The following STMND1 variants were observed in gnomAD, a reference collection of about 807,000 sequenced individuals.
STMND1 encodes the protein stathmin domain-containing protein 1.
STMND1 carries 17 observed loss-of-function variants against 23.0 expected under a neutral mutation model. The observed-to-expected ratio is 0.74, with a 90% CI of 0.51 to 1.11. The LOEUF (loss-of-function observed/expected upper bound fraction) is 1.11. Among genes scored for constraint, STMND1 ranks in the 50% least tolerant of loss-of-function variants. The pLI is 0.00. For missense variants in STMND1, 305 were observed against 329.1 expected, an observed-to-expected ratio of 0.93 and a Z score of 0.57; for synonymous variants, 114 against 119.9, an observed-to-expected ratio of 0.95 and a Z score of 0.32.
intron 3 of STMND1, among the ~76,000 whole-genome samples, chr6:17,122,716 G>A (rs1372875501): frequency 6.6e-6 from 1 of 150,806 alleles, no homozygotes; most frequent in Non-Finnish European, 1.5e-5. Context: ...ATAATAAGAG[G>A]ATGTCGGGGG....
chr6:17,106,941 A>G (rs1761033034), intron 1 of STMND1, among the ~76,000 whole-genome samples: 1 of 152,224 alleles, frequency 6.6e-6, no homozygotes, highest in Non-Finnish European at 1.5e-5. Context: ...TTCTATGAGA[A>G]TAACTCAAAA....
rs1005101193 is a variant in STMND1, at chr6:17,102,207, G to T, written c.-51G>T. 1.3e-6 allele frequency: 2 copies of T among 1,485,026 alleles called. No individual in the cohort carries two copies. Among genetic ancestry groups the T allele is most frequent in the Admixed American group, 4.8e-5 (2 of 41,952 alleles). 92.0% of individuals were successfully genotyped at this position (1,485,026 alleles called of 1,614,324 possible). On this transcript the variant is annotated 5_prime_UTR_variant, in exon 1 of 5. Transcript: ENST00000536551. ...CGCCGGAGCGCGGCAGGGAGCGCTCGCGGGGGCGCACAGCAGCCAAGCCCG... is the reference window on the plus strand; with the variant it reads ...CGCCGGAGCGCGGCAGGGAGCGCTCTCGGGGGCGCACAGCAGCCAAGCCCG...
intron 1 of STMND1, among the ~76,000 whole-genome samples, chr6:17,104,795 G>C (rs1167199998): frequency 6.6e-6 from 1 of 152,128 alleles, no homozygotes; most frequent in Non-Finnish European, 1.5e-5. Context: ...TGACAAGCTA[G>C]GTTTGATTTC....
intron 2 of STMND1, among the ~76,000 whole-genome samples, chr6:17,117,378 C>T (rs564194745): frequency 1.3e-5 from 2 of 152,080 alleles, no homozygotes; most frequent in South Asian, 4.2e-4. Flanking sequence ...CAGGAAATTA[C>T]CTCTGATGTA....
intron 1 of STMND1, among the ~76,000 whole-genome samples, chr6:17,110,221 G>A (rs2113477064): frequency 6.6e-6 from 1 of 152,316 alleles, no homozygotes. Context: ...GCAAGGCTTT[G>A]CTGCAGAGAG....
intron 3 of STMND1, among the ~76,000 whole-genome samples, chr6:17,123,277 T>C (rs1320775108): frequency 1.7e-4 from 26 of 152,204 alleles, no homozygotes; most frequent in Admixed American, 1.7e-3. Flanking sequence ...AAGACTATTT[T>C]TCATACTATG....
At chr6:17,113,525 G>A (rs1237301724) in intron 1 of STMND1, among the ~76,000 whole-genome samples, 1 of 151,918 alleles carries the variant, frequency 6.6e-6, no homozygotes, top group Non-Finnish European at 1.5e-5. Flanking sequence ...CAAGATTTGT[G>A]TTTGACAGAA....
chr6:17,113,335 G>A (rs1445106116), intron 1 of STMND1, among the ~76,000 whole-genome samples: 1 of 152,192 alleles, frequency 6.6e-6, no homozygotes, highest in African/African-American at 2.4e-5. Context: ...GAACAGACTG[G>A]AGTTGAAGCT....
At chr6:17,127,356 C>A (rs1222328528) in intron 3 of STMND1, among the ~76,000 whole-genome samples, 2 of 152,046 alleles carry the variant, frequency 1.3e-5, no homozygotes, top group Admixed American at 1.3e-4. Context: ...TCAAGACCAG[C>A]CTGGCCAACA....
In STMND1 at chr6:17,131,115, C is replaced by G. The variant is rs1761387342; in HGVS notation, c.*234C>G. The G allele has an allele frequency of 6.9e-6, 3 of 431,708 alleles. No individual in the cohort carries two copies. The highest frequency in any genetic ancestry group is 1.2e-5 in the Non-Finnish European group (3 of 246,468). The allele number at this position is 431,708 out of a possible 1,614,324, so 26.7% of individuals were successfully genotyped here. ...TTGACCAGCATAGATATTTGGCACTCTCCTTTGTGTGGCTTCAAACATTAT... is the reference window on the plus strand; with the variant it reads ...TTGACCAGCATAGATATTTGGCACTGTCCTTTGTGTGGCTTCAAACATTAT... On this transcript the variant is annotated 3_prime_UTR_variant, in exon 5 of 5. Transcript: ENST00000536551.
intron 1 of STMND1, chr6:17,110,716 C>T (rs1315969275): frequency 1.9e-5 from 8 of 428,758 alleles, no homozygotes; most frequent in Non-Finnish European, 2.8e-5. Flanking sequence ...TGCAGTGAGC[C>T]GAGATCGCAC....
At chr6:17,116,494 C>A (rs1761161686) in intron 2 of STMND1, among the ~76,000 whole-genome samples, 1 of 152,016 alleles carries the variant, frequency 6.6e-6, no homozygotes, top group African/African-American at 2.4e-5. Context: ...GGCTGGAGTG[C>A]AATGGTGCAA....
At chr6:17,129,806 T>C (rs1761363478) in intron 4 of STMND1, among the ~76,000 whole-genome samples, 1 of 151,736 alleles carries the variant, frequency 6.6e-6, no homozygotes, top group Non-Finnish European at 1.5e-5. Context: ...ATTGTGCCAC[T>C]GCACCCCAGC....
intron 3 of STMND1, among the ~76,000 whole-genome samples, chr6:17,126,030 T>G (rs1277706383): frequency 1.9e-5 from 2 of 106,652 alleles, no homozygotes. Context: ...AGGTGATCAT[T>G]GTTTTATATA....
At chr6:17,123,737 G>T (rs1761260910) in intron 3 of STMND1, among the ~76,000 whole-genome samples, 2 of 152,164 alleles carry the variant, frequency 1.3e-5, no homozygotes, top group African/African-American at 4.8e-5. Context: ...TTGTGAAAGA[G>T]AATTCTGAAA....
chr6:17,105,174 A>G (rs946351096), intron 1 of STMND1, among the ~76,000 whole-genome samples: 1 of 152,230 alleles, frequency 6.6e-6, no homozygotes, highest in Non-Finnish European at 1.5e-5. Flanking sequence ...TTGAACATCC[A>G]TGGGTTTTGG....
chr6:17,103,250 G>C (rs575074822), intron 1 of STMND1, among the ~76,000 whole-genome samples: 1 of 152,312 alleles, frequency 6.6e-6, no homozygotes, highest in East Asian at 1.9e-4. Flanking sequence ...CTGAAGCACA[G>C]CAAACTGGGA....
chr6:17,114,688 G>A (rs1018707542), intron 1 of STMND1, among the ~76,000 whole-genome samples: 4 of 152,222 alleles, frequency 2.6e-5, no homozygotes, highest in African/African-American at 9.6e-5. Context: ...AGCTCTGGGG[G>A]TAATGTGAGT....
At chr6:17,107,442 T>C (rs898929017) in intron 1 of STMND1, among the ~76,000 whole-genome samples, 4 of 152,150 alleles carry the variant, frequency 2.6e-5, no homozygotes, top group African/African-American at 9.7e-5. Flanking sequence ...CACTGAGGTA[T>C]AAAAAAAGTT....
Sources: gnomAD v4.1 joint callset for allele counts (sites outside exome capture counted in the v4.1 genomes callset) on GRCh38, gnomAD v4.1.1 for gene constraint, MANE v1.5 for transcripts, NCBI Gene and HGNC (gene_info 2026-07-23, HGNC 2026-07-21) for gene names.